Variants in ZBED4 observed in about 807,000 individuals in gnomAD.
ZBED4 encodes zinc finger BED domain-containing protein 4.
In ZBED4, 4 loss-of-function variants were observed where a neutral mutation model predicts 15.5. The observed-to-expected ratio is 0.26, with a 90% CI of 0.13 to 0.59. The LOEUF (loss-of-function observed/expected upper bound fraction) is 0.59. ZBED4 is among the 20% of genes least tolerant of loss of function. The probability of loss-of-function intolerance (pLI) is 0.90; values close to 1 mark genes in which losing one functional copy is unlikely to be tolerated. For missense variants in ZBED4, 1,323 were observed against 1,461.8 expected, an observed-to-expected ratio of 0.91 and a Z score of 1.55; for synonymous variants, 692 against 608.5, an observed-to-expected ratio of 1.14 and a Z score of -2.02.
chr22:49,881,784 C>T (rs868111011), intron 1 of ZBED4, among the ~76,000 whole-genome samples: 1 of 152,212 alleles, frequency 6.6e-6, no homozygotes, highest in African/African-American at 2.4e-5. Context: ...CCTCCCACCT[C>T]AGCCTCCCAA....
Position 49,886,290 on chromosome 22 carries a change from G to T in ZBED4, c.2628G>T (p.Glu876Asp). ...AGAAACTGGCCGAGCTGCAGAGGGA[G>T]TACGCGCTGCCTCAGCATCACCTCA... ...AKEKLAELQREYALPQHHLIQ... is the reference protein window; with the variant it reads ...AKEKLAELQRDYALPQHHLIQ... The change falls in exon 2 of 2, where the codon GAG becomes GAT. Residue 876 changes from glutamate to aspartate, a missense_variant. Physicochemically the swap from Glu to Asp is conservative, Grantham distance 45. Around this residue, in one of 6 missense-constraint regions of ZBED4, gnomAD observed 312 missense variants for 410.7 expected, o/e 0.76. Coordinates refer to ENST00000216268, the MANE Select transcript of ZBED4 (RefSeq NM_014838.3). The surrounding 1 kb of genome is among the most constrained non-coding windows in gnomAD (Gnocchi z 7.7). The T allele has an allele frequency of 6.8e-7, 1 of 1,470,732 alleles. No individual in the cohort carries two copies. The highest frequency in any genetic ancestry group is 1.2e-5 in the South Asian group (1 of 82,582). The allele number at this position is 1,470,732 out of a possible 1,614,324, so 91.1% of individuals were successfully genotyped here.
intron 1 of ZBED4, among the ~76,000 whole-genome samples, chr22:49,855,319 A>T (rs2060270441): frequency 6.6e-6 from 1 of 152,172 alleles, no homozygotes; most frequent in Admixed American, 6.5e-5. Context: ...CTTTTAGTCC[A>T]CTTGACAGGT....
chr22:49,854,675 G>A (rs1601778535), intron 1 of ZBED4, among the ~76,000 whole-genome samples: 2 of 152,042 alleles, frequency 1.3e-5, no homozygotes, highest in Non-Finnish European at 2.9e-5. Flanking sequence ...TAAGAGAATC[G>A]CAGCCCCTCG....
At chr22:49,862,246 G>A (rs548986430) in intron 1 of ZBED4, among the ~76,000 whole-genome samples, 38 of 152,286 alleles carry the variant, frequency 2.5e-4, no homozygotes, top group African/African-American at 8.7e-4. Flanking sequence ...CGCTTCTGCC[G>A]CAAAGTCGCT....
Position 49,856,213 on chromosome 22 carries a change from C to T in ZBED4, c.-330+2224C>T, listed in dbSNP as rs547115275. On this transcript the variant is annotated intron_variant, in intron 1 of 1. Transcript: ENST00000216268. ...AATAAGCTCTTTGCCATTTCTGAGGCGGAGGGGAGCAGGAGAGACAGAGGT... is the reference window on the plus strand; with the variant it reads ...AATAAGCTCTTTGCCATTTCTGAGGTGGAGGGGAGCAGGAGAGACAGAGGT... Among the ~76,000 whole-genome samples, 14 of 152,254 alleles carry T rather than the reference C, an allele frequency of 9.2e-5. No individual in the cohort carries two copies. In the South Asian group the frequency reaches 2.7e-3, roughly 29 times the overall value.
chr22:49,867,426 G>A (rs973965150), intron 1 of ZBED4, among the ~76,000 whole-genome samples: 3 of 152,226 alleles, frequency 2.0e-5, no homozygotes, highest in Non-Finnish European at 4.4e-5. Flanking sequence ...GTTGGCTGAC[G>A]GTATTGCTCA....
At chr22:49,879,318 G>A (rs1438724901) in intron 1 of ZBED4, among the ~76,000 whole-genome samples, 2 of 151,816 alleles carry the variant, frequency 1.3e-5, no homozygotes, top group African/African-American at 4.8e-5. Flanking sequence ...GTAGAGACCA[G>A]GTTTCGCCAT....
chr22:49,861,734 G>A (rs1250769297), intron 1 of ZBED4, among the ~76,000 whole-genome samples: 2 of 152,216 alleles, frequency 1.3e-5, no homozygotes, highest in Non-Finnish European at 2.9e-5. Flanking sequence ...GCCGTGGCTG[G>A]CCCCTGCGTG....
At chr22:49,862,841 A>G (rs2060303726) in intron 1 of ZBED4, among the ~76,000 whole-genome samples, 1 of 151,634 alleles carries the variant, frequency 6.6e-6, no homozygotes, top group Non-Finnish European at 1.5e-5. Context: ...AACTGGGATT[A>G]CAGGTGCCCA....
chr22:49,877,153 A>G (rs1431551708), intron 1 of ZBED4, among the ~76,000 whole-genome samples: 2 of 152,158 alleles, frequency 1.3e-5, no homozygotes, highest in Non-Finnish European at 2.9e-5. Context: ...AGATTAAGCT[A>G]TTTGTGTCTT....
chr22:49,889,313 C>T lies in ZBED4; in HGVS notation c.*2135C>T, dbSNP rs1381614492. The T allele has an allele frequency of 6.0e-6, 1 of 167,050 alleles. No individual in the cohort carries two copies. The highest frequency in any genetic ancestry group is 1.5e-5 in the Non-Finnish European group (1 of 68,118). The allele number at this position is 167,050 out of a possible 1,614,324, so 10.3% of individuals were successfully genotyped here. A position where few individuals can be genotyped will look rare whatever the true frequency, so the allele number is the denominator to read the frequency against. On this transcript the variant is annotated 3_prime_UTR_variant, in exon 2 of 2. Transcript: ENST00000216268. Reference sequence around the variant, plus strand: ...CTGTTTTTTTAACATGGTGTCTTGGCTACTTTCAGGCTGCGACGGGAGAAC... The same window carrying T: ...CTGTTTTTTTAACATGGTGTCTTGGTTACTTTCAGGCTGCGACGGGAGAAC...
rs529359331 is a variant in ZBED4 at position 49,865,388 on chromosome 22, G to A, written c.-330+11399G>A. ...ACGGGGGCCGGGCGCAGTGGCTCAC[G>A]CCTCTAATCCCAGCACTTCGGGGGC... On this transcript the variant is annotated intron_variant, in intron 1 of 1. Coordinates refer to ENST00000216268, the MANE Select transcript of ZBED4 (RefSeq NM_014838.3). Among the ~76,000 whole-genome samples the A allele has an allele frequency of 8.7e-4, 133 of 152,124 alleles. 1 individual carries two copies. The highest frequency in any genetic ancestry group is 1.7e-3 in the Non-Finnish European group (116 of 68,006).
intron 1 of ZBED4, among the ~76,000 whole-genome samples, chr22:49,874,889 G>T (rs2060368327): frequency 6.6e-6 from 1 of 151,612 alleles, no homozygotes; most frequent in Non-Finnish European, 1.5e-5. Flanking sequence ...CACCATGTTG[G>T]CCAGGCTGGT....
chr22:49,884,826 C>T lies in ZBED4; in HGVS notation c.1164C>T (p.Ser388=), dbSNP rs1201092242. The T allele has an allele frequency of 3.7e-6, 6 of 1,610,924 alleles. No homozygotes were observed. The East Asian group carries it at 6.7e-5, about 18-fold the overall frequency. The part of the protein sequence containing the change: ...KPVRESPSAS[S]SPDRLTEDLQ... ...TCAGAGAGTCCCCTTCGGCCTCCTC[C>T]TCCCCTGACAGGCTGACTGAGGACT... The change falls in exon 2 of 2, where the codon TCC becomes TCT. Residue 388 remains serine (S), a synonymous_variant. Transcript: ENST00000216268.
chr22:49,872,157 C>A (rs561996992), intron 1 of ZBED4, among the ~76,000 whole-genome samples: 9 of 152,308 alleles, frequency 5.9e-5, no homozygotes, highest in African/African-American at 1.9e-4. Flanking sequence ...AAATTGTAGT[C>A]AATCCTCTCA....
intron 1 of ZBED4, among the ~76,000 whole-genome samples, chr22:49,859,597 ATAGACG>A (rs2147500456): frequency 6.6e-6 from 1 of 152,362 alleles, no homozygotes; most frequent in East Asian, 1.9e-4. Context: ...GGTCCAGGCC[ATAGACG>A]TAGTCATTGT....
rs746914642 is a variant in ZBED4 at position 49,884,038 on chromosome 22, A to C, written c.376A>C (p.Ile126Leu). 1.6e-5 allele frequency: 26 copies of C among 1,603,592 alleles called. No homozygotes were observed. Among genetic ancestry groups the C allele is most frequent in the Non-Finnish European group, 1.8e-5 (21 of 1,176,588 alleles). Residue 126 changes from isoleucine (I) to leucine (L), a missense_variant, in exon 2 of 2, where the codon ATC becomes CTC. Transcript: ENST00000216268. ...KKSPAWKHFF[I>L]SPRDSTKAIC... ...GTCTCCAGCCTGGAAGCATTTTTTT[A>C]TCTCTCCCCGAGACAGCACTAAAGC... is the stretch of plus-strand genomic sequence containing the variant.
rs750555831 is a variant in ZBED4 at position 49,885,855 on chromosome 22, G to C, written c.2193G>C (p.Thr731=). 5 of 1,443,064 alleles carry C rather than the reference G, an allele frequency of 3.5e-6. No homozygotes were observed. The highest frequency in any genetic ancestry group is 4.9e-6 in the Non-Finnish European group (5 of 1,025,948). 89.4% of individuals were successfully genotyped at this position (1,443,064 alleles called of 1,614,324 possible). A position where few individuals can be genotyped will look rare whatever the true frequency, so the allele number is the denominator to read the frequency against. The stretch of plus-strand genomic sequence containing the variant: ...CTGAGAGTGGTGTGATCCACTTCAC[G>C]TCTGGAATATGGATGAGTAACCAGA... ...KEAESGVIHF[T]SGIWMSNQTR... is the part of the protein sequence containing the mutation. Residue 731 remains threonine, a synonymous_variant, in exon 2 of 2, where the codon ACG becomes ACC. Transcript: ENST00000216268.
chr22:49,853,648 G>A (rs958397277), upstream of ZBED4, among the ~76,000 whole-genome samples: 12 of 151,840 alleles, frequency 7.9e-5, no homozygotes, highest in Non-Finnish European at 1.5e-4. Context: ...GGGCGGAGCC[G>A]AAGCGCGCAT....
Sources: allele counts gnomAD v4.1 joint callset (sites outside exome capture counted in the v4.1 genomes callset), GRCh38; gene constraint gnomAD v4.1.1; regional missense constraint gnomAD v4.1.1; non-coding constraint Gnocchi (gnomAD v3.1); transcripts MANE v1.5; gene names NCBI Gene and HGNC (gene_info 2026-07-23, HGNC 2026-07-21).